The following TRIM16 variants were observed in gnomAD, a reference collection of about 807,000 sequenced individuals.
TRIM16 encodes the protein tripartite motif containing 16, also known as tripartite motif-containing protein 16.
TRIM16 carries 33 observed loss-of-function variants against 50.4 expected under a neutral mutation model. The ratio of observed to expected loss-of-function variants is 0.65; its 90% confidence interval spans 0.50 to 0.88. The LOEUF is 0.88. Ranked by LOEUF, TRIM16 falls within the 40% of genes least tolerant of loss-of-function variation. The pLI is 0.00. For missense variants in TRIM16, 581 were observed against 686.8 expected, an observed-to-expected ratio of 0.85 and a Z score of 1.72; for synonymous variants, 229 against 270.7, an observed-to-expected ratio of 0.85 and a Z score of 1.51.
intron 6 of TRIM16, among the ~76,000 whole-genome samples, chr17:15,667,963 C>A (rs1356513920): frequency 2.0e-5 from 3 of 152,092 alleles, no homozygotes; most frequent in Admixed American, 2.0e-4. Context: ...CCCACAGTAG[C>A]CACTATCTTA....
chr17:15,683,063 C>A lies in TRIM16; in HGVS notation c.-804G>T. On this transcript the variant is annotated 5_prime_UTR_variant, in exon 2 of 12. Transcript: ENST00000649191. ...CTGTTCTGGAGTTTGCAGGTCCAAT[C>A]CTCCATAATCATAGCCTTTGCTTCA... 1 of 1,550,596 alleles carries A rather than the reference C, an allele frequency of 6.4e-7. No individual in the cohort carries two copies. Among genetic ancestry groups the A allele is most frequent in the Non-Finnish European group, 8.7e-7 (1 of 1,147,000 alleles).
In TRIM16 at chr17:15,636,211, G is replaced by A; in HGVS notation, c.674C>T (p.Ala225Val). 1 of 1,609,142 alleles carries A rather than the reference G, an allele frequency of 6.2e-7. No individual in the cohort carries two copies. The change falls in exon 9 of 12, where the codon GCT becomes GTT. Residue 225 changes from alanine (A) to valine (V), a missense_variant. By Grantham distance (64) the Ala-to-Val change is moderately conservative. Transcript: ENST00000649191. Reference protein sequence around the residue: ...AEMQFGELLAAVRKAQANVML... With the variant: ...AEMQFGELLAVVRKAQANVML... ...CACATTGGCCTGGGCCTTCCTCACA[G>A]CAGCAAGGAGTTCCCCAAACTGCAT...
intron 8 of TRIM16, among the ~76,000 whole-genome samples, chr17:15,641,243 A>G (rs1987103248): frequency 6.7e-6 from 1 of 148,376 alleles, no homozygotes; most frequent in Non-Finnish European, 1.5e-5. Context: ...TGACAAGCAG[A>G]AACAGTACAG....
At chr17:15,673,402 A>G (rs1255918577) in intron 6 of TRIM16, among the ~76,000 whole-genome samples, 1 of 152,244 alleles carries the variant, frequency 6.6e-6, no homozygotes, top group Non-Finnish European at 1.5e-5. Flanking sequence ...TTCAAGCTGT[A>G]CTAACACCGA....
intron 4 of TRIM16, 37 bp from the exon 5 acceptor site, chr17:15,677,758 A>G (rs1989009485): frequency 1.0e-6 from 1 of 986,316 alleles, no homozygotes; most frequent in Admixed American, 6.1e-5. Context: ...CTTAGGGGAG[A>G]CTGATGGGAT....
At chr17:15,660,300 C>A (rs535187011) in intron 6 of TRIM16, among the ~76,000 whole-genome samples, 6 of 152,192 alleles carry the variant, frequency 3.9e-5, no homozygotes, top group Non-Finnish European at 8.8e-5. Context: ...GACAATGAGC[C>A]GGTTCCTCTA....
Position 15,651,179 on chromosome 17 carries a change from G to C in TRIM16, c.431C>G (p.Pro144Arg). 6.2e-7 allele frequency: 1 copy of C among 1,614,218 alleles called. No homozygotes were observed. The highest frequency in any genetic ancestry group is 2.2e-5 in the East Asian group (1 of 44,878). The change falls in exon 7 of 12, where the codon CCT (proline) becomes CGT (arginine). Residue 144 changes from proline to arginine, a missense_variant. Pro to Arg is a moderately radical substitution (Grantham distance 103). Transcript: ENST00000649191. ...GTCCTGGCAGATGCACTGCTGATCA[G>C]GGCAGCAGAAGGCAGACAGTGGGCT... ...HHSPLSAFCCPDQQCICQDCC... is the reference protein window; with the variant it reads ...HHSPLSAFCCRDQQCICQDCC...
rs554779157 is a variant in TRIM16 at position 15,629,092 on chromosome 17, C to T, written c.1218G>A (p.Pro406=). Residue 406 remains proline, a synonymous_variant, in exon 12 of 12, where the codon CCG becomes CCA. Coordinates refer to ENST00000649191, the MANE Select transcript of TRIM16 (RefSeq NM_001348119.1). ...TNTTPWEHPY[P]DLPSRFLHWR... Reference sequence around the variant, plus strand: ...AGTGCAGGAACCTGCTGGGGAGGTCCGGGTAGGGATGCTCCCAGGGCGTGG... The same window carrying T: ...AGTGCAGGAACCTGCTGGGGAGGTCTGGGTAGGGATGCTCCCAGGGCGTGG... The T allele has an allele frequency of 2.1e-4, 340 of 1,613,850 alleles. No individual in the cohort carries two copies. The highest frequency in any genetic ancestry group is 2.7e-4 in the Non-Finnish European group (321 of 1,179,858).
chr17:15,638,298 T>A (rs1052210130), intron 8 of TRIM16, among the ~76,000 whole-genome samples: 1 of 136,024 alleles, frequency 7.4e-6, no homozygotes, highest in Non-Finnish European at 1.6e-5. Flanking sequence ...GACAGCCGGG[T>A]GCGGTGGCTC....
rs1239799699 is a variant in TRIM16, at chr17:15,638,391, T to C, written c.616-2122A>G. Among the ~76,000 whole-genome samples, 3 of 147,948 alleles carry C rather than the reference T, an allele frequency of 2.0e-5. 1 individual carries two copies. Among genetic ancestry groups the C allele is most frequent in the South Asian group, 4.4e-4 (2 of 4,576 alleles). On this transcript the variant is annotated intron_variant, in intron 8 of 11. Transcript: ENST00000649191. ...ATCGAGACCATCCTGGCTAACATGG[T>C]GAAACCCTGTCTCTACTAAAAATAC...
At chr17:15,677,351 C>T (rs1160333188) in intron 5 of TRIM16, 71 bp from the exon 6 acceptor site, 3 of 959,076 alleles carry the variant, frequency 3.1e-6, no homozygotes, top group Non-Finnish European at 3.7e-6. Flanking sequence ...CAGTCCCACT[C>T]TGTTGCATTT....
chr17:15,672,660 G>A (rs1451513112), intron 6 of TRIM16, among the ~76,000 whole-genome samples: 7 of 152,206 alleles, frequency 4.6e-5, no homozygotes, highest in Admixed American at 4.6e-4. Context: ...AGGATCCTGA[G>A]AGTTCAAGGC....
chr17:15,633,584 G>A (rs1433017346), intron 9 of TRIM16, among the ~76,000 whole-genome samples: 2 of 141,304 alleles, frequency 1.4e-5, no homozygotes, highest in East Asian at 2.2e-4. Context: ...TTGTCACCCA[G>A]GCTGGAGTGC....
intron 6 of TRIM16, chr17:15,658,661 G>T: frequency 4.6e-6 from 1 of 218,246 alleles, no homozygotes; most frequent in Non-Finnish European, 7.8e-6. Context: ...GTAGGATTGG[G>T]AATGTCCGGA....
intron 6 of TRIM16, among the ~76,000 whole-genome samples, chr17:15,663,594 C>G (rs1988343675): frequency 6.6e-6 from 1 of 152,172 alleles, no homozygotes; most frequent in African/African-American, 2.4e-5. Context: ...ACTATCTAAA[C>G]TGCTTGTTTT....
In TRIM16 at chr17:15,651,472, G is replaced by A. The variant is rs1294828716; in HGVS notation, c.138C>T (p.Gly46=). Residue 46 remains glycine, a synonymous_variant, in exon 7 of 12, where the codon GGC becomes GGT. Transcript: ENST00000649191. ...TCTCCCTGCCAAGCTTCTCCGAGGA[G>A]CCCACGTCCTCTTCTTCCACTGGGC... The part of the protein sequence containing the change: ...SASPVEEEDV[G]SSEKLGRETE... The A allele has an allele frequency of 1.9e-6, 3 of 1,611,586 alleles. No homozygotes were observed. Among genetic ancestry groups the A allele is most frequent in the Non-Finnish European group, 2.5e-6 (3 of 1,178,416 alleles).
chr17:15,676,509 G>A (rs1209240170), intron 6 of TRIM16, among the ~76,000 whole-genome samples: 3 of 146,846 alleles, frequency 2.0e-5, no homozygotes, highest in African/African-American at 7.6e-5. Context: ...ATCTCGGCTC[G>A]CTGCAAGCCC....
intron 6 of TRIM16, among the ~76,000 whole-genome samples, chr17:15,667,746 T>G (rs9916342): frequency 0.023 from 3,499 of 152,266 alleles, 137 homozygotes; most frequent in African/African-American, 0.079. Context: ...TAGGGGTACA[T>G]AAGACCCTTC....
intron 6 of TRIM16, among the ~76,000 whole-genome samples, chr17:15,653,889 C>T (rs1987846300): frequency 6.6e-6 from 1 of 152,200 alleles, no homozygotes; most frequent in Non-Finnish European, 1.5e-5. Flanking sequence ...AGGATTATTC[C>T]AGGGTACCTG....
Sources: gnomAD v4.1 joint callset for allele counts (sites outside exome capture counted in the v4.1 genomes callset) on GRCh38, gnomAD v4.1.1 for gene constraint, MANE v1.5 for transcripts, NCBI Gene and HGNC (gene_info 2026-07-23, HGNC 2026-07-21) for gene names.